The following OS9 variants were observed in gnomAD, a reference collection of about 807,000 sequenced individuals.
OS9 encodes the protein OS9 endoplasmic reticulum lectin, also known as protein OS-9.
In OS9, 58 loss-of-function variants were observed where a neutral mutation model predicts 84.7. The ratio of observed to expected loss-of-function variants is 0.68; its 90% CI spans 0.55 to 0.85. The LOEUF (loss-of-function observed/expected upper bound fraction) is 0.85. Ranked by LOEUF, OS9 falls within the 40% of genes least tolerant of loss-of-function variation. OS9 has a pLI of 0.00. For synonymous variants in OS9, 278 were observed against 320.8 expected, an observed-to-expected ratio of 0.87 and a Z score of 1.43; for missense variants, 760 against 850.9, an observed-to-expected ratio of 0.89 and a Z score of 1.33.
chr12:57,717,054 A>C (rs1954521352), intron 9 of OS9, among the ~76,000 whole-genome samples: 1 of 152,230 alleles, frequency 6.6e-6, no homozygotes, highest in African/African-American at 2.4e-5. Context: ...AATTCACAGT[A>C]GAAGGCCTGG....
At chr12:57,699,665 T>A (rs2140296121) in intron 5 of OS9, among the ~76,000 whole-genome samples, 1 of 152,344 alleles carries the variant, frequency 6.6e-6, no homozygotes, top group South Asian at 2.1e-4. Flanking sequence ...GAGAGCCAGA[T>A]GGAAAGTATA....
At chr12:57,695,893 G>A (rs775810810) in intron 3 of OS9, 50 bp downstream of exon 3, 20 of 1,557,732 alleles carry the variant, frequency 1.3e-5, no homozygotes, top group Non-Finnish European at 1.7e-5. Flanking sequence ...TATCATGGAA[G>A]TTCCCCAGTT....
At chr12:57,715,712 C>T in intron 5 of OS9, 48 bp from the exon 6 acceptor site, 1 of 1,393,244 alleles carries the variant, frequency 7.2e-7, no homozygotes, top group Non-Finnish European at 1.0e-6. Context: ...ATAACTAAAG[C>T]AAATTATTGT....
Position 57,720,149 on chromosome 12 carries a change from G to A in OS9, c.1651G>A (p.Gly551Arg), listed in dbSNP as rs1311067862. ...VRVRVTKLRL[G>R]GPNQDLTVLE... is the part of the protein sequence containing the mutation. ...GGTCCGGGTCACCAAGCTCCGTCTC[G>A]GAGGCCCTAATCAGGATCTGACTGT... Residue 551 changes from glycine (G) to arginine (R), a missense_variant, in exon 13 of 15, where the codon GGA (glycine) becomes AGA (arginine). By Grantham distance (125) the Gly-to-Arg change is moderately radical. Transcript: ENST00000315970. 7.4e-6 allele frequency: 12 copies of A among 1,614,052 alleles called. No homozygotes were observed. The Admixed American group carries it at 1.2e-4, about 16-fold the overall frequency.
At chr12:57,705,566 G>A (rs1170537912) in intron 5 of OS9, among the ~76,000 whole-genome samples, 1 of 152,062 alleles carries the variant, frequency 6.6e-6, no homozygotes, top group Non-Finnish European at 1.5e-5. Flanking sequence ...ATGGGGTCTT[G>A]CTCTGTCATC....
chr12:57,705,827 A>T (rs1954150058), intron 5 of OS9, among the ~76,000 whole-genome samples: 1 of 151,886 alleles, frequency 6.6e-6, no homozygotes. Context: ...CCTGGCCAAA[A>T]ATTCCGTTTT....
Position 57,716,286 on chromosome 12 carries a change from G to T in OS9, c.892+93G>T. 8.0e-6 allele frequency: 6 copies of T among 752,288 alleles called. 1 individual carries two copies. The East Asian group carries it at 8.4e-5, about 11-fold the overall frequency. 46.6% of individuals were successfully genotyped at this position (752,288 alleles called of 1,614,324 possible). A position where few individuals can be genotyped will look rare whatever the true frequency, so the allele number is the denominator to read the frequency against. ...CCTGACTGACTGGTGGGGTGGGGGG[G>T]GGTGGAAAAGTACCATGGGCCCTCC... is the stretch of plus-strand genomic sequence containing the variant. On this transcript the variant is annotated intron_variant, in intron 7 of 14. Coordinates refer to ENST00000315970, the MANE Select transcript of OS9 (RefSeq NM_006812.4).
intron 2 of OS9, chr12:57,695,456 A>G: frequency 1.9e-6 from 1 of 538,166 alleles, no homozygotes; most frequent in Non-Finnish European, 3.4e-6. Flanking sequence ...GGGTTCTTCT[A>G]TGTTTCCCTA....
rs979637807 is a variant in OS9, at chr12:57,719,341, C to T, written c.1600+159C>T. 1.7e-4 allele frequency: 107 copies of T among 634,424 alleles called. 1 individual carries two copies. Among genetic ancestry groups the T allele is most frequent in the Admixed American group, 4.1e-4 (14 of 34,046 alleles). 39.3% of individuals were successfully genotyped at this position (634,424 alleles called of 1,614,324 possible). On this transcript the variant is annotated intron_variant, in intron 12 of 14. Transcript: ENST00000315970. ...CTCACTTGCGCCTGCTTCCCAACACCATCATCCCTTTGCGTGTTTACCTCC... is the reference window on the plus strand; with the variant it reads ...CTCACTTGCGCCTGCTTCCCAACACTATCATCCCTTTGCGTGTTTACCTCC...
chr12:57,718,934 C>T, intron 11 of OS9, 59 bp from the exon 12 acceptor site: 1 of 1,275,164 alleles, frequency 7.8e-7, no homozygotes, highest in Non-Finnish European at 1.1e-6. Context: ...AGAGCCCAGC[C>T]CGCTGGCTGC....
intron 5 of OS9, among the ~76,000 whole-genome samples, chr12:57,705,878 T>A (rs117112274): frequency 4.5e-4 from 68 of 152,342 alleles, no homozygotes; most frequent in African/African-American, 1.5e-3. Flanking sequence ...TGGTTTTACA[T>A]ATTGATCTTA....
intron 5 of OS9, among the ~76,000 whole-genome samples, chr12:57,713,053 A>G (rs701006): frequency 0.56 from 84,856 of 151,902 alleles, 24,087 homozygotes; most frequent in Middle Eastern, 0.7. Flanking sequence ...AGGGCAATAT[A>G]TAGGTTTGTT....
intron 5 of OS9, among the ~76,000 whole-genome samples, chr12:57,703,298 G>A (rs746471565): frequency 3.3e-5 from 5 of 151,962 alleles, no homozygotes; most frequent in Admixed American, 1.3e-4. Flanking sequence ...TGGGGGTCTC[G>A]TTATGTTGCC....
At chr12:57,702,330 C>G (rs1297267099) in intron 5 of OS9, among the ~76,000 whole-genome samples, 2 of 152,200 alleles carry the variant, frequency 1.3e-5, no homozygotes, top group African/African-American at 4.8e-5. Context: ...TGAAATCATA[C>G]AAGATTTGTC....
chr12:57,694,488 T>G (rs959564901), intron 1 of OS9, among the ~76,000 whole-genome samples, 165 bp downstream of exon 1: 1 of 152,102 alleles, frequency 6.6e-6, no homozygotes, highest in Admixed American at 6.5e-5. Context: ...AGACCAATTC[T>G]CTGGGGGCCA....
Position 57,718,305 on chromosome 12 carries a change from T to G in OS9, c.1294T>G (p.Leu432Val). Residue 432 changes from leucine (L) to valine (V), a missense_variant, in exon 11 of 15, where the codon TTA becomes GTA. Leu to Val is a conservative substitution (Grantham distance 32). Transcript: ENST00000315970. ...DEDEDEDERQ[L>V]LGEFEKELEG... Reference sequence around the variant, plus strand: ...GGATGAAGATGAGGATGAACGGCAGTTACTGGGAGAATTTGAGAAGGAACT... The same window carrying G: ...GGATGAAGATGAGGATGAACGGCAGGTACTGGGAGAATTTGAGAAGGAACT... 1 of 1,613,944 alleles carries G rather than the reference T, an allele frequency of 6.2e-7. No homozygotes were observed. The highest frequency in any genetic ancestry group is 1.1e-5 in the South Asian group (1 of 91,068).
At chr12:57,697,809 C>G (rs1456488549) in intron 5 of OS9, among the ~76,000 whole-genome samples, 4 of 150,826 alleles carry the variant, frequency 2.7e-5, no homozygotes, top group Non-Finnish European at 5.9e-5. Context: ...TGGCCCCATC[C>G]CCTCATTCAG....
Position 57,711,439 on chromosome 12 carries a change from C to T in OS9, c.580-4321C>T, listed in dbSNP as rs369882415. Among the ~76,000 whole-genome samples, 34 of 147,136 alleles carry T rather than the reference C, an allele frequency of 2.3e-4. 2 individuals carry two copies. The highest frequency in any genetic ancestry group is 1.6e-3 in the East Asian group (8 of 4,930). The stretch of plus-strand genomic sequence containing the variant: ...TCTGCTCACTGCAACCTCCACCTCC[C>T]GGGTTCAAGGGATTCACCTGCCTCA... On this transcript the variant is annotated intron_variant, in intron 5 of 14. Transcript: ENST00000315970.
At chr12:57,708,546 T>C (rs1017265168) in intron 5 of OS9, among the ~76,000 whole-genome samples, 4 of 151,932 alleles carry the variant, frequency 2.6e-5, no homozygotes, top group African/African-American at 9.7e-5. Flanking sequence ...GAGGATCTTT[T>C]CAGCCCAGGA....
Sources: allele counts gnomAD v4.1 joint callset (sites outside exome capture counted in the v4.1 genomes callset), GRCh38; gene constraint gnomAD v4.1.1; transcripts MANE v1.5; gene names NCBI Gene and HGNC (gene_info 2026-07-23, HGNC 2026-07-21).